The following CCDC88C variants were observed in gnomAD, a reference collection of about 807,000 sequenced individuals.
CCDC88C encodes the protein coiled-coil and HOOK domain protein 88C.
CCDC88C carries 131 observed loss-of-function variants against 198.8 expected under a neutral mutation model. The ratio of observed to expected loss-of-function variants is 0.66; its 90% CI spans 0.57 to 0.76. The LOEUF is 0.76. Among genes scored for constraint, CCDC88C ranks in the 30% least tolerant of loss-of-function variants. The probability of loss-of-function intolerance (pLI) is 0.00; values close to 1 mark genes in which losing one functional copy is unlikely to be tolerated. For synonymous variants in CCDC88C, 1,166 were observed against 1,114.7 expected, an observed-to-expected ratio of 1.05 and a Z score of -0.92; for missense variants, 2,553 against 2,631.6, an observed-to-expected ratio of 0.97 and a Z score of 0.65.
intron 20 of CCDC88C, among the ~76,000 whole-genome samples, chr14:91,302,606 G>T (rs899960122): frequency 2.6e-5 from 4 of 152,198 alleles, no homozygotes; most frequent in African/African-American, 2.4e-5. Context: ...GCATTTCAAT[G>T]TAAGTTTTAC....
chr14:91,323,327 G>A (rs900209840), intron 12 of CCDC88C, among the ~76,000 whole-genome samples: 3 of 152,304 alleles, frequency 2.0e-5, no homozygotes, highest in East Asian at 1.9e-4. Flanking sequence ...GGCCAGAGCC[G>A]GGGTTCCTGC....
intron 3 of CCDC88C, among the ~76,000 whole-genome samples, chr14:91,369,355 T>C (rs916090228): frequency 5.9e-5 from 9 of 152,118 alleles, no homozygotes; most frequent in African/African-American, 2.2e-4. Flanking sequence ...TACAGGCGCC[T>C]GCCGTCATGT....
chr14:91,315,873 C>T, intron 13 of CCDC88C, 86 bp from the exon 14 acceptor site: 1 of 1,410,510 alleles, frequency 7.1e-7, no homozygotes, highest in Non-Finnish European at 9.7e-7. Context: ...ACCACCCCAA[C>T]AGAATGCACT....
intron 13 of CCDC88C, among the ~76,000 whole-genome samples, chr14:91,318,977 G>A (rs1183973909): frequency 1.3e-5 from 2 of 149,760 alleles, no homozygotes; most frequent in Non-Finnish European, 3.0e-5. Flanking sequence ...TCCTGCCACA[G>A]TCATGCCTCA....
intron 4 of CCDC88C, among the ~76,000 whole-genome samples, chr14:91,353,692 A>G (rs762066250): frequency 1.3e-5 from 2 of 152,210 alleles, no homozygotes; most frequent in Non-Finnish European, 1.5e-5. Context: ...TTTTGTGCGC[A>G]CAGAACCTTG....
At chr14:91,289,020 T>C in intron 25 of CCDC88C, 85 bp downstream of exon 25, 1 of 1,120,300 alleles carries the variant, frequency 8.9e-7, no homozygotes, top group Non-Finnish European at 1.3e-6. Context: ...GGCACGTTCC[T>C]GCACACGTGT....
intron 13 of CCDC88C, among the ~76,000 whole-genome samples, chr14:91,319,918 G>A (rs1056931754): frequency 1.3e-5 from 2 of 151,586 alleles, no homozygotes; most frequent in African/African-American, 2.4e-5. Flanking sequence ...CCAGCTACTC[G>A]GGAGGCTGAG....
intron 15 of CCDC88C, among the ~76,000 whole-genome samples, chr14:91,310,270 T>C (rs926969125): frequency 1.3e-5 from 2 of 152,050 alleles, no homozygotes; most frequent in Non-Finnish European, 2.9e-5. Context: ...CCACTTATGT[T>C]GACCTTTAAG....
At chr14:91,396,150 C>G (rs1395813922) in intron 3 of CCDC88C, among the ~76,000 whole-genome samples, 1 of 152,192 alleles carries the variant, frequency 6.6e-6, no homozygotes, top group Non-Finnish European at 1.5e-5. Flanking sequence ...CAAAGAAGAG[C>G]TGAATAACAA....
At chr14:91,409,337 G>A (rs1250763718) in intron 2 of CCDC88C, among the ~76,000 whole-genome samples, 1 of 151,412 alleles carries the variant, frequency 6.6e-6, no homozygotes, top group African/African-American at 2.4e-5. Flanking sequence ...TACAGGCCCA[G>A]CTAATTTTTT....
At position 91,307,217 on chromosome 14, in the gene CCDC88C, CCTT is replaced by C. The variant is rs1315093090; in HGVS notation, c.3013_3015del (p.Lys1005del). 5 of 1,613,456 alleles carry C rather than the reference CCTT, an allele frequency of 3.1e-6. No homozygotes were observed. Among genetic ancestry groups the C allele is most frequent in the Admixed American group, 3.3e-5 (2 of 60,030 alleles). On this transcript the variant is annotated inframe_deletion, in exon 18 of 30. Coordinates refer to ENST00000389857, the MANE Select transcript of CCDC88C (RefSeq NM_001080414.4). ...TGGTTCTGCCTGAGGGTCTCACACT[CCTT>C]CTTTAGCTACAGGTGTGACAATAAG...
At chr14:91,399,168 T>G (rs1192993185) in intron 3 of CCDC88C, among the ~76,000 whole-genome samples, 1 of 152,192 alleles carries the variant, frequency 6.6e-6, no homozygotes, top group African/African-American at 2.4e-5. Context: ...CATGCCTGCT[T>G]GTGACTCTTG....
chr14:91,354,544 G>A (rs1818713795), intron 4 of CCDC88C, among the ~76,000 whole-genome samples: 1 of 152,216 alleles, frequency 6.6e-6, no homozygotes, highest in African/African-American at 2.4e-5. Context: ...AGGCCTAGGG[G>A]AGACAGACAC....
chr14:91,401,238 ATATAT>A (rs1886156528), intron 3 of CCDC88C, among the ~76,000 whole-genome samples: 1 of 145,528 alleles, frequency 6.9e-6, no homozygotes, highest in African/African-American at 2.5e-5. Flanking sequence ...ATATATATTT[ATATAT>A]TATATATTAT....
At chr14:91,308,600 G>A in intron 16 of CCDC88C, 108 bp from the exon 17 acceptor site, 1 of 1,160,830 alleles carries the variant, frequency 8.6e-7, no homozygotes, top group Non-Finnish European at 1.2e-6. Flanking sequence ...GGGTTACGGA[G>A]CTGCTGCAGC....
chr14:91,413,032 A>T (rs1886867809), intron 2 of CCDC88C, among the ~76,000 whole-genome samples: 1 of 152,190 alleles, frequency 6.6e-6, no homozygotes, highest in Non-Finnish European at 1.5e-5. Flanking sequence ...TGAATAATTA[A>T]CACAGTATCC....
chr14:91,360,834 T>C (rs1285808), intron 3 of CCDC88C, among the ~76,000 whole-genome samples: 47,733 of 152,072 alleles, frequency 0.31, 7,692 homozygotes, highest in Non-Finnish European at 0.35. Flanking sequence ...TGCAGGACGT[T>C]GTTCACAAAT....
At chr14:91,308,639 A>T in intron 16 of CCDC88C, 147 bp from the exon 17 acceptor site, 1 of 836,716 alleles carries the variant, frequency 1.2e-6, no homozygotes, top group South Asian at 1.6e-5. Flanking sequence ...CACGAGCCAA[A>T]ACTCATCTTC....
At chr14:91,324,391 G>A (rs1266780786) in intron 12 of CCDC88C, among the ~76,000 whole-genome samples, 1 of 152,260 alleles carries the variant, frequency 6.6e-6, no homozygotes, top group Admixed American at 6.5e-5. Flanking sequence ...AGGAAATGAC[G>A]CCCTGGGTAC....
Sources: allele counts gnomAD v4.1 joint callset (sites outside exome capture counted in the v4.1 genomes callset), GRCh38; gene constraint gnomAD v4.1.1; transcripts MANE v1.5; gene names NCBI Gene and HGNC (gene_info 2026-07-23, HGNC 2026-07-21).